The following KRABD1 variants were observed in gnomAD, a reference collection of about 807,000 sequenced individuals.
The protein encoded by KRABD1 is KRAB domain containing 1.
the KRABD1 span, chr3:42,938,844 C>T: frequency 3.7e-6 from 5 of 1,362,200 alleles, no homozygotes; most frequent in Admixed American, 2.1e-5. Context: ...TTTTCTTTAC[C>T]TTCAGCACCT....
the KRABD1 span, chr3:42,937,690 C>A: frequency 6.6e-6 from 1 of 152,328 alleles, no homozygotes; most frequent in East Asian, 1.9e-4. Flanking sequence ...ATAAATATTT[C>A]TCCTTACTGG....
chr3:42,938,546 A>G, the KRABD1 span: 13 of 216,724 alleles, frequency 6.0e-5, no homozygotes, highest in East Asian at 5.1e-4. Flanking sequence ...TTTTCTGCCT[A>G]TAACACTCTG....
the KRABD1 span, among the ~76,000 whole-genome samples, chr3:42,941,671 G>A: frequency 6.6e-6 from 1 of 151,966 alleles, no homozygotes; most frequent in Non-Finnish European, 1.5e-5. Flanking sequence ...GGAGCCATTT[G>A]TCTTTTTCCC....
chr3:42,942,627 G>A, the KRABD1 span: 1 of 1,388,484 alleles, frequency 7.2e-7, no homozygotes, highest in South Asian at 1.5e-5. Flanking sequence ...TCAATGCTGG[G>A]AAGACAGGAG....
the KRABD1 span, chr3:42,942,207 G>A: frequency 3.0e-6 from 2 of 669,366 alleles, no homozygotes; most frequent in Non-Finnish European, 2.6e-6. Flanking sequence ...TTTCTGACCG[G>A]TGTGTTATTC....
At chr3:42,941,908 C>T in the KRABD1 span, 1 of 1,137,260 alleles carries the variant, frequency 8.8e-7, no homozygotes, top group South Asian at 1.3e-5. Context: ...TTAAATTTGA[C>T]CCCTATGACT....
At chr3:42,940,017 A>T in the KRABD1 span, among the ~76,000 whole-genome samples, 2 of 152,182 alleles carry the variant, frequency 1.3e-5, no homozygotes, top group African/African-American at 4.8e-5. Context: ...CTTTCAATGA[A>T]GTCCAGTATA....
the KRABD1 span, among the ~76,000 whole-genome samples, chr3:42,942,257 T>C: frequency 3.3e-5 from 5 of 152,194 alleles, no homozygotes; most frequent in Non-Finnish European, 7.3e-5. Flanking sequence ...CACAACACTC[T>C]TCTTCTGTAT....
chr3:42,938,860 T>A, the KRABD1 span: 1 of 1,506,106 alleles, frequency 6.6e-7, no homozygotes, highest in Non-Finnish European at 8.9e-7. Context: ...CACCTGAGAC[T>A]TTTACCTTTA....
At chr3:42,938,700 C>G in the KRABD1 span, 12 of 435,932 alleles carry the variant, frequency 2.8e-5, no homozygotes, top group East Asian at 3.7e-4. Flanking sequence ...TCTCTGTATG[C>G]CTGCTATCTC....
At chr3:42,940,311 C>G in the KRABD1 span, among the ~76,000 whole-genome samples, 2 of 152,150 alleles carry the variant, frequency 1.3e-5, no homozygotes, top group African/African-American at 4.8e-5. Context: ...TTTAAAATCC[C>G]TATTCAGTTC....
At chr3:42,941,127 T>C in the KRABD1 span, 1 of 1,174,918 alleles carries the variant, frequency 8.5e-7, no homozygotes, top group African/African-American at 1.5e-5. Flanking sequence ...CAATACTGAA[T>C]ACGTATCATT....
the KRABD1 span, chr3:42,936,640 T>C: frequency 0.016 from 2,441 of 152,424 alleles, 67 homozygotes; most frequent in African/African-American, 0.051. Flanking sequence ...CAGGGCAGCC[T>C]GTGGCCCACT....
At chr3:42,942,728 T>G in the KRABD1 span, 1 of 464,298 alleles carries the variant, frequency 2.2e-6, no homozygotes, top group Non-Finnish European at 3.7e-6. Context: ...ACACATTTTC[T>G]TTTTCTGTAG....
the KRABD1 span, chr3:42,941,350 T>G: frequency 6.3e-7 from 1 of 1,589,964 alleles, no homozygotes; most frequent in Non-Finnish European, 8.5e-7. Context: ...GTGGCCTTTG[T>G]AGGTAAGGCC....
the KRABD1 span, chr3:42,941,852 G>A: frequency 1.4e-6 from 1 of 710,418 alleles, no homozygotes; most frequent in Middle Eastern, 3.5e-4. Context: ...AGCTCACCCG[G>A]GAATTACTCT....
At chr3:42,942,052 C>T in the KRABD1 span, 1 of 1,535,720 alleles carries the variant, frequency 6.5e-7, no homozygotes, top group South Asian at 1.2e-5. Context: ...GCAGGAATGA[C>T]TGGAGAGCAG....
At chr3:42,941,900 A>C in the KRABD1 span, 1 of 1,080,818 alleles carries the variant, frequency 9.3e-7, no homozygotes, top group Non-Finnish European at 1.4e-6. Context: ...CCACAGGCTT[A>C]AATTTGACCC....
chr3:42,936,753 G>A, the KRABD1 span: 3 of 152,112 alleles, frequency 2.0e-5, no homozygotes, highest in African/African-American at 7.2e-5. Context: ...CATGCCCCTC[G>A]GTCGCTCCAG....
Sources: gnomAD v4.1 joint callset for allele counts (sites outside exome capture counted in the v4.1 genomes callset) on GRCh38, gnomAD v4.1.1 for gene constraint, MANE v1.5 for transcripts, NCBI Gene and HGNC (gene_info 2026-07-23, HGNC 2026-07-21) for gene names.